Variants in ANKHD1 observed in about 807,000 individuals in gnomAD.
ANKHD1 encodes ankyrin repeat and KH domain-containing protein 1.
Under a neutral mutation model 230.5 loss-of-function variants are expected in ANKHD1, and 31 were observed. The observed-to-expected ratio is 0.13, with a 90% CI of 0.10 to 0.18. The LOEUF is 0.18. Ranked by LOEUF, ANKHD1 falls within the 10% of genes least tolerant of loss-of-function variation. The pLI, the probability that ANKHD1 is intolerant of heterozygous loss-of-function variation, is 1.00. For synonymous variants in ANKHD1, 1,074 were observed against 1,117.6 expected, an observed-to-expected ratio of 0.96 and a Z score of 0.78; for missense variants, 2,256 against 3,071.3, an observed-to-expected ratio of 0.73 and a Z score of 6.27.
In ANKHD1 at chr5:140,538,105, G is replaced by T. The variant is rs1213640717; in HGVS notation, c.7248G>T (p.Ser2416=). 4 of 1,611,258 alleles carry T rather than the reference G, an allele frequency of 2.5e-6. No individual in the cohort carries two copies. In the Admixed American group the frequency reaches 6.7e-5, roughly 27 times the overall value. The change falls in exon 32 of 34, where the codon TCG becomes TCT. Residue 2416 remains serine (S), a synonymous_variant. Transcript: ENST00000360839. ...NAVSEGLSGW[S]QSVMGNHPMH... is the part of the protein sequence containing the mutation. The stretch of plus-strand genomic sequence containing the variant: ...TTCCAGAAGGCTTATCAGGTTGGTC[G>T]CAATCTGTGATGGGGAACCATCCAA...
chr5:140,429,315 A>G (rs1267084921), intron 1 of ANKHD1, among the ~76,000 whole-genome samples: 1 of 149,554 alleles, frequency 6.7e-6, no homozygotes, highest in African/African-American at 2.5e-5. Flanking sequence ...GCTGGTCTCG[A>G]TTTCCTGACC....
At chr5:140,469,115 T>G (rs1776311492) in intron 10 of ANKHD1, among the ~76,000 whole-genome samples, 1 of 151,792 alleles carries the variant, frequency 6.6e-6, no homozygotes, top group South Asian at 2.1e-4. Flanking sequence ...CCCTCCCTTC[T>G]CTCCTTCTCT....
At position 140,485,308 on chromosome 5, in the gene ANKHD1, G is replaced by C. The variant is rs765672645; in HGVS notation, c.1998+60G>C. The C allele has an allele frequency of 2.8e-5, 44 of 1,551,788 alleles. No individual in the cohort carries two copies. Among genetic ancestry groups the C allele is most frequent in the Non-Finnish European group, 3.8e-5 (43 of 1,144,440 alleles). The stretch of plus-strand genomic sequence containing the variant: ...GCGGTGGCTCATGTCTATGATCCCA[G>C]CACTTTAGAAAGCTGAGGCGGGTGG... On this transcript the variant is annotated intron_variant, in intron 12 of 33. Coordinates refer to ENST00000360839, the MANE Select transcript of ANKHD1 (RefSeq NM_017747.3). The surrounding 1 kb of genome is among the most constrained non-coding windows in gnomAD (Gnocchi z 4.8).
intron 1 of ANKHD1, among the ~76,000 whole-genome samples, chr5:140,429,593 G>T (rs1473675145): frequency 6.6e-6 from 1 of 151,780 alleles, no homozygotes; most frequent in Non-Finnish European, 1.5e-5. Flanking sequence ...TCCCTGCATT[G>T]TATGACCACA....
chr5:140,408,993 C>T (rs2126842396), intron 1 of ANKHD1, among the ~76,000 whole-genome samples: 1 of 152,148 alleles, frequency 6.6e-6, no homozygotes, highest in East Asian at 1.9e-4. Context: ...GCATTAGAAG[C>T]ATCCCTGGCC....
At chr5:140,472,572 C>T (rs906956208) in intron 10 of ANKHD1, 117 of 656,418 alleles carry the variant, frequency 1.8e-4, no homozygotes, top group Non-Finnish European at 2.3e-4. Context: ...TTTACATTCT[C>T]CTTTATTGGG....
chr5:140,447,261 G>A (rs1774358255), intron 6 of ANKHD1, among the ~76,000 whole-genome samples: 1 of 151,752 alleles, frequency 6.6e-6, no homozygotes, highest in African/African-American at 2.4e-5. Flanking sequence ...GGAGTGCAGT[G>A]GCACTGTCAT....
chr5:140,528,558 G>C lies in ANKHD1; in HGVS notation c.5612G>C (p.Arg1871Pro). 1 of 1,614,024 alleles carries C rather than the reference G, an allele frequency of 6.2e-7. No homozygotes were observed. Among genetic ancestry groups the C allele is most frequent in the Non-Finnish European group, 8.5e-7 (1 of 1,180,018 alleles). Residue 1871 changes from arginine (R) to proline (P), a missense_variant, in exon 29 of 34, where the codon CGC becomes CCC. Physicochemically the swap from Arg to Pro is moderately radical, Grantham distance 103. This residue lies in a region of ANKHD1 where 778 missense variants were observed against 966.5 expected (regional missense o/e 0.80). Transcript: ENST00000360839. Reference sequence around the variant, plus strand: ...ACTATGCAACAGATTCGGCATCCTCGCTTACCCATGGCCCAGTTTGGAGGA... The same window carrying C: ...ACTATGCAACAGATTCGGCATCCTCCCTTACCCATGGCCCAGTTTGGAGGA... ...AQTMQQIRHP[R>P]LPMAQFGGTF...
chr5:140,525,459 C>T (rs1037474728), intron 25 of ANKHD1, among the ~76,000 whole-genome samples: 3 of 152,060 alleles, frequency 2.0e-5, no homozygotes, highest in Admixed American at 6.5e-5. Flanking sequence ...GACAAGATTT[C>T]GCCATGTTGC....
In ANKHD1 at chr5:140,507,126, A is replaced by G. The variant is rs899227347; in HGVS notation, c.3551+149A>G. The G allele has an allele frequency of 7.3e-6, 9 of 1,227,016 alleles. No homozygotes were observed. The African/African-American group carries it at 1.1e-4, about 15-fold the overall frequency. The allele number at this position is 1,227,016 out of a possible 1,614,324, so 76.0% of individuals were successfully genotyped here. A position where few individuals can be genotyped will look rare whatever the true frequency, so the allele number is the denominator to read the frequency against. Reference sequence around the variant, plus strand: ...GATTATACCTATAATGTGTTTGTTTATAAGTAATCTCAGCTTATTTCAGTA... The same window carrying G: ...GATTATACCTATAATGTGTTTGTTTGTAAGTAATCTCAGCTTATTTCAGTA... On this transcript the variant is annotated intron_variant, in intron 19 of 33. Transcript: ENST00000360839. This position sits in a 1 kb window ranked among gnomAD's most constrained non-coding sequence, Gnocchi z 4.1.
chr5:140,472,298 G>A, intron 10 of ANKHD1: 1 of 1,613,664 alleles, frequency 6.2e-7, no homozygotes, highest in Non-Finnish European at 8.5e-7. Context: ...AGCATCAGGT[G>A]AGGGTGGCCT....
At position 140,459,345 on chromosome 5, in the gene ANKHD1, G is replaced by T; in HGVS notation, c.1662G>T (p.Leu554Phe). The change falls in exon 9 of 34, where the codon TTG becomes TTT. Residue 554 changes from leucine (L) to phenylalanine (F), a missense_variant. Physicochemically the swap from Leu to Phe is conservative, Grantham distance 22. This residue lies in a region of ANKHD1 where 179 missense variants were observed against 261.8 expected (regional missense o/e 0.68). Transcript: ENST00000360839. ...QEGHLELVKY[L>F]LASGANVHAT... ...GACACCTGGAATTGGTTAAATATTTGCTGGCTTCTGGTATGTGGCTTTAAG... is the reference window on the plus strand; with the variant it reads ...GACACCTGGAATTGGTTAAATATTTTCTGGCTTCTGGTATGTGGCTTTAAG... 1 of 1,569,054 alleles carries T rather than the reference G, an allele frequency of 6.4e-7. No individual in the cohort carries two copies. The highest frequency in any genetic ancestry group is 1.2e-5 in the South Asian group (1 of 84,750).
intron 24 of ANKHD1, 47 bp downstream of exon 24, chr5:140,513,526 G>A: frequency 6.3e-7 from 1 of 1,588,314 alleles, no homozygotes; most frequent in Non-Finnish European, 8.6e-7. Flanking sequence ...TTGAGGGTGG[G>A]GGCCGGGCAC....
chr5:140,520,947 A>T (rs1239999885), intron 24 of ANKHD1, among the ~76,000 whole-genome samples: 1 of 149,096 alleles, frequency 6.7e-6, no homozygotes, highest in East Asian at 2.0e-4. Context: ...AAAAAAAAAG[A>T]CTATCCAGTA....
At chr5:140,508,295 T>TA (rs1752620283) in intron 20 of ANKHD1, among the ~76,000 whole-genome samples, 1 of 152,228 alleles carries the variant, frequency 6.6e-6, no homozygotes, top group African/African-American at 2.4e-5. Context: ...TATTAACTCT[T>TA]ACACTGTAGA....
At chr5:140,471,849 A>G (rs879569505) in intron 10 of ANKHD1, among the ~76,000 whole-genome samples, 1 of 152,206 alleles carries the variant, frequency 6.6e-6, no homozygotes, top group African/African-American at 2.4e-5. Flanking sequence ...TTTATCTTAC[A>G]GTATTTTCCT....
chr5:140,464,832 T>C lies in ANKHD1; in HGVS notation c.1782+56T>C, dbSNP rs1171955206. On this transcript the variant is annotated intron_variant, in intron 10 of 33. Coordinates refer to ENST00000360839, the MANE Select transcript of ANKHD1 (RefSeq NM_017747.3). ...CGTTAATGTTAATATCCATTTATAC[T>C]TAACATTTAGAAAACACTAAAGATC... The C allele has an allele frequency of 6.1e-6, 9 of 1,486,584 alleles. No homozygotes were observed. In the East Asian group the frequency reaches 1.9e-4, roughly 32 times the overall value. 92.1% of individuals were successfully genotyped at this position (1,486,584 alleles called of 1,614,324 possible). A position where few individuals can be genotyped will look rare whatever the true frequency, so the allele number is the denominator to read the frequency against.
intron 10 of ANKHD1, among the ~76,000 whole-genome samples, chr5:140,468,080 TTTTTTTTTTTTTG>T (rs1370888436): frequency 8.8e-5 from 5 of 56,710 alleles, no homozygotes; most frequent in Non-Finnish European, 2.0e-4. Flanking sequence ...TTTTTTTTTT[TTTTTTTTTTTTTG>T]ATGTGGGGTC....
intron 24 of ANKHD1, among the ~76,000 whole-genome samples, chr5:140,518,812 A>G (rs1344069627): frequency 6.6e-6 from 1 of 152,160 alleles, no homozygotes; most frequent in Non-Finnish European, 1.5e-5. Context: ...ATCTATGACA[A>G]CCCCACAGCC....
Sources: gnomAD v4.1 joint callset for allele counts (sites outside exome capture counted in the v4.1 genomes callset) on GRCh38, gnomAD v4.1.1 for gene constraint, gnomAD v4.1.1 regional missense constraint, Gnocchi (gnomAD v3.1) non-coding constraint, MANE v1.5 for transcripts, NCBI Gene and HGNC (gene_info 2026-07-23, HGNC 2026-07-21) for gene names.